The following CNTNAP5 variants were observed in gnomAD, a reference collection of about 807,000 sequenced individuals.
CNTNAP5 encodes contactin-associated protein-like 5.
A neutral mutation model predicts 150.2 loss-of-function variants in CNTNAP5; 72 were observed. That is an observed-to-expected ratio of 0.48 (90% CI 0.40 to 0.58). The LOEUF is 0.58. Among genes scored for constraint, CNTNAP5 ranks in the 20% least tolerant of loss-of-function variants. The pLI is 0.00. For synonymous variants in CNTNAP5, 672 were observed against 619.8 expected (o/e 1.08, Z -1.25); for missense variants, 1,636 against 1,626.2 (o/e 1.01, Z -0.10).
chr2:124,584,536 C>T (rs1245668665), intron 11 of CNTNAP5, among the ~76,000 whole-genome samples: 2 of 152,148 alleles, frequency 1.3e-5, no homozygotes, highest in East Asian at 1.9e-4. Flanking sequence ...ATGTGAACTG[C>T]ACAAGCTAAA....
At chr2:124,828,734 GCA>G (rs1682650204) in intron 19 of CNTNAP5, among the ~76,000 whole-genome samples, 1 of 27,500 alleles carries the variant, frequency 3.6e-5, no homozygotes, top group African/African-American at 1.4e-4. Flanking sequence ...GCAAGTGTTG[GCA>G]AAAAAAAAAA....
At chr2:124,037,746 T>C (rs1330269837) in intron 1 of CNTNAP5, among the ~76,000 whole-genome samples, 3 of 152,172 alleles carry the variant, frequency 2.0e-5, no homozygotes. Flanking sequence ...GCGGAATAAG[T>C]TCTAGAGATC....
Position 124,094,813 on chromosome 2 carries a change from T to C in CNTNAP5, c.82+69081T>C, listed in dbSNP as rs947162004. Among the ~76,000 whole-genome samples the C allele has an allele frequency of 3.3e-5, 5 of 152,134 alleles. No individual in the cohort carries two copies. The East Asian group carries it at 7.7e-4, about 24-fold the overall frequency. ...GATGGGCACCAGCTGTGAAGGCACC[T>C]CTCTCCAGATTGGTGCTGCTCACTG... On this transcript the variant is annotated intron_variant, in intron 1 of 23. Transcript: ENST00000682447.
At chr2:124,737,191 T>C (rs189556908) in intron 13 of CNTNAP5, among the ~76,000 whole-genome samples, 4 of 151,432 alleles carry the variant, frequency 2.6e-5, no homozygotes, top group African/African-American at 7.3e-5. Flanking sequence ...CTCAGGAGGC[T>C]GAGGCAGGAG....
intron 10 of CNTNAP5, among the ~76,000 whole-genome samples, chr2:124,559,810 C>T (rs1695845939): frequency 6.6e-6 from 1 of 152,154 alleles, no homozygotes; most frequent in South Asian, 2.1e-4. Context: ...TGTCATGTGT[C>T]TTTTATCTCA....
intron 17 of CNTNAP5, among the ~76,000 whole-genome samples, chr2:124,780,095 A>G (rs1681417997): frequency 6.6e-6 from 1 of 152,188 alleles, no homozygotes; most frequent in Non-Finnish European, 1.5e-5. Context: ...TAGGCAAGCC[A>G]CTTACTCTCT....
chr2:124,272,420 A>G (rs1311279045), intron 3 of CNTNAP5, among the ~76,000 whole-genome samples: 10 of 152,172 alleles, frequency 6.6e-5, no homozygotes. Context: ...AGACATTTTT[A>G]TACAGAATGT....
chr2:124,680,374 A>T (rs1573543370), intron 13 of CNTNAP5, among the ~76,000 whole-genome samples: 1 of 151,920 alleles, frequency 6.6e-6, no homozygotes, highest in Non-Finnish European at 1.5e-5. Flanking sequence ...CTAAGTGAGT[A>T]CCATGTCAAG....
chr2:124,475,230 T>C (rs1693612925), intron 7 of CNTNAP5, among the ~76,000 whole-genome samples: 1 of 152,102 alleles, frequency 6.6e-6, no homozygotes, highest in African/African-American at 2.4e-5. Flanking sequence ...TTCCATTAAA[T>C]TCTATGGCTT....
At chr2:124,370,970 C>T (rs1254628377) in intron 3 of CNTNAP5, among the ~76,000 whole-genome samples, 2 of 151,916 alleles carry the variant, frequency 1.3e-5, no homozygotes, top group Non-Finnish European at 2.9e-5. Context: ...AGAAATATTA[C>T]ACAGCAAAAA....
intron 4 of CNTNAP5, among the ~76,000 whole-genome samples, chr2:124,432,806 G>A (rs1692423656): frequency 6.6e-6 from 1 of 152,176 alleles, no homozygotes; most frequent in Non-Finnish European, 1.5e-5. Flanking sequence ...AATTGAAAAA[G>A]CATCATTTGG....
chr2:124,653,706 C>T (rs1678368954), intron 13 of CNTNAP5, among the ~76,000 whole-genome samples: 1 of 150,922 alleles, frequency 6.6e-6, no homozygotes, highest in Non-Finnish European at 1.5e-5. Context: ...CTCTGGGGTT[C>T]ACAAAACTAA....
chr2:124,740,202 C>A (rs911087627), intron 13 of CNTNAP5, among the ~76,000 whole-genome samples: 3 of 151,802 alleles, frequency 2.0e-5, no homozygotes, highest in Non-Finnish European at 4.4e-5. Context: ...AAACTTGCAA[C>A]TTTGCATCAT....
At chr2:124,553,340 C>T (rs1695674035) in intron 10 of CNTNAP5, among the ~76,000 whole-genome samples, 1 of 151,980 alleles carries the variant, frequency 6.6e-6, no homozygotes, top group Non-Finnish European at 1.5e-5. Flanking sequence ...ACAGTCTCTA[C>T]TAAAAATACA....
chr2:124,087,386 A>C (rs2104682197), intron 1 of CNTNAP5, among the ~76,000 whole-genome samples: 1 of 151,914 alleles, frequency 6.6e-6, no homozygotes, highest in African/African-American at 2.4e-5. Flanking sequence ...AAGTTTTCTT[A>C]GATTTCTTCA....
At chr2:124,290,131 C>T (rs1249713985) in intron 3 of CNTNAP5, among the ~76,000 whole-genome samples, 2 of 152,038 alleles carry the variant, frequency 1.3e-5, no homozygotes, top group African/African-American at 4.8e-5. Flanking sequence ...AGCTATTAGG[C>T]CGGGTAGATC....
At chr2:124,800,466 G>A (rs1027914540) in intron 19 of CNTNAP5, among the ~76,000 whole-genome samples, 6 of 152,042 alleles carry the variant, frequency 3.9e-5, no homozygotes, top group African/African-American at 1.4e-4. Context: ...AACCCTGTTT[G>A]ATTGATTTAT....
chr2:124,783,291 A>G (rs570045322), intron 17 of CNTNAP5, among the ~76,000 whole-genome samples: 8 of 152,182 alleles, frequency 5.3e-5, no homozygotes, highest in Admixed American at 2.6e-4. Context: ...AGCCTCAATC[A>G]TTGAAATATT....
chr2:124,862,524 A>G (rs1460257361), intron 19 of CNTNAP5, among the ~76,000 whole-genome samples: 1 of 152,186 alleles, frequency 6.6e-6, no homozygotes, highest in Non-Finnish European at 1.5e-5. Context: ...GGGGTAGAGG[A>G]AGGCCTGAGG....
Sources: gnomAD v4.1 joint callset for allele counts (sites outside exome capture counted in the v4.1 genomes callset) on GRCh38, gnomAD v4.1.1 for gene constraint, MANE v1.5 for transcripts, NCBI Gene and HGNC (gene_info 2026-07-23, HGNC 2026-07-21) for gene names.